The following CEP112 variants were observed in gnomAD, a reference collection of about 807,000 sequenced individuals.
CEP112 encodes centrosomal protein 112, also known as centrosomal protein of 112 kDa.
Under a neutral mutation model 153.0 loss-of-function variants are expected in CEP112, and 127 were observed. The ratio of observed to expected loss-of-function variants is 0.83; its 90% CI spans 0.72 to 0.96. The LOEUF is 0.96. Among genes scored for constraint, CEP112 ranks in the 40% least tolerant of loss-of-function variants. CEP112 has a pLI of 0.00. For synonymous variants in CEP112, 358 were observed against 374.4 expected (o/e 0.96, Z 0.51); for missense variants, 1,089 against 1,101.2 (o/e 0.99, Z 0.16).
intron 4 of CEP112, among the ~76,000 whole-genome samples, chr17:66,164,766 A>AATCACTTAAACCTTG (rs2071866165): frequency 6.7e-6 from 1 of 149,758 alleles, no homozygotes; most frequent in Non-Finnish European, 1.5e-5. Flanking sequence ...TGAGGCAGAG[A>AATCACTTAAACCTTG]ATTGCTTGAA....
chr17:65,908,298 T>C (rs1023832334), intron 19 of CEP112, among the ~76,000 whole-genome samples: 3 of 152,156 alleles, frequency 2.0e-5, no homozygotes, highest in Non-Finnish European at 2.9e-5. Flanking sequence ...TGGCATATGA[T>C]AGTCCTTTGA....
chr17:65,787,855 T>G (rs1445303013), intron 21 of CEP112, among the ~76,000 whole-genome samples: 1 of 152,238 alleles, frequency 6.6e-6, no homozygotes, highest in East Asian at 1.9e-4. Context: ...GACAATCATA[T>G]CATCAGTGAA....
intron 24 of CEP112, among the ~76,000 whole-genome samples, chr17:65,684,723 G>A (rs2047696498): frequency 2.6e-5 from 4 of 152,156 alleles, no homozygotes; most frequent in African/African-American, 9.7e-5. Context: ...ATTTTACGCA[G>A]TGTTTAACGC....
intron 19 of CEP112, among the ~76,000 whole-genome samples, chr17:65,912,345 C>T (rs1305052452): frequency 6.6e-6 from 1 of 152,152 alleles, no homozygotes; most frequent in Non-Finnish European, 1.5e-5. Context: ...TGGAACCCAA[C>T]TTTCCTGTTG....
At chr17:65,925,129 G>A (rs1025089029) in intron 19 of CEP112, among the ~76,000 whole-genome samples, 6 of 152,214 alleles carry the variant, frequency 3.9e-5, no homozygotes, top group African/African-American at 1.4e-4. Context: ...TTAAATCATG[G>A]GGGCAGCTTC....
chr17:65,635,958 T>C lies in CEP112; in HGVS notation c.*13A>G. 6.2e-7 allele frequency: 1 copy of C among 1,600,164 alleles called. No homozygotes were observed. Among genetic ancestry groups the C allele is most frequent in the Non-Finnish European group, 8.5e-7 (1 of 1,171,848 alleles). On this transcript the variant is annotated 3_prime_UTR_variant, in exon 27 of 27. Coordinates refer to ENST00000535342, the MANE Select transcript of CEP112 (RefSeq NM_001199165.4). ...CAGCCTGGAAATTGCATCCGTTGCA[T>C]TCTCTCGTGCAGTTACCTGTAAACC... is the stretch of plus-strand genomic sequence containing the variant.
chr17:65,994,420 T>A (rs1255477826), intron 17 of CEP112, among the ~76,000 whole-genome samples: 1 of 152,060 alleles, frequency 6.6e-6, no homozygotes. Flanking sequence ...CTCCAACTCC[T>A]GAGCTCAAGC....
At chr17:65,767,263 T>C (rs187561803) in intron 21 of CEP112, among the ~76,000 whole-genome samples, 5 of 152,092 alleles carry the variant, frequency 3.3e-5, no homozygotes, top group Non-Finnish European at 5.9e-5. Flanking sequence ...ATGTGGAAAT[T>C]AAACAACTGG....
chr17:65,902,014 CA>C (rs201190696), intron 20 of CEP112, 137 bp downstream of exon 20: 2,020 of 98,036 alleles, frequency 0.021, 38 homozygotes, highest in Middle Eastern at 0.042. Flanking sequence ...GGGAGAAAAA[CA>C]AAAAAAAAAT....
chr17:66,105,158 A>T (rs1411423755), intron 6 of CEP112, among the ~76,000 whole-genome samples: 1 of 152,232 alleles, frequency 6.6e-6, no homozygotes, highest in Non-Finnish European at 1.5e-5. Context: ...GCTGAAGTGT[A>T]GAGTTTTTAT....
chr17:66,188,810 T>C (rs1391486465), intron 1 of CEP112, among the ~76,000 whole-genome samples: 1 of 152,104 alleles, frequency 6.6e-6, no homozygotes, highest in Non-Finnish European at 1.5e-5. Context: ...GTGCTGGATG[T>C]GAGATCATAA....
chr17:66,162,582 T>C (rs1385726126), intron 4 of CEP112, among the ~76,000 whole-genome samples: 1 of 152,192 alleles, frequency 6.6e-6, no homozygotes, highest in African/African-American at 2.4e-5. Flanking sequence ...ATTCATACAA[T>C]AATTTTAAAA....
chr17:65,995,236 T>C (rs1397933370), intron 17 of CEP112, among the ~76,000 whole-genome samples: 1 of 152,042 alleles, frequency 6.6e-6, no homozygotes, highest in Admixed American at 6.5e-5. Context: ...GCTTTGATTG[T>C]TTTTGTTCTT....
intron 4 of CEP112, among the ~76,000 whole-genome samples, chr17:66,168,610 A>G (rs767666044): frequency 6.6e-6 from 1 of 152,032 alleles, no homozygotes; most frequent in Non-Finnish European, 1.5e-5. Flanking sequence ...CTCCACCAAC[A>G]AAGCAATTTC....
intron 23 of CEP112, among the ~76,000 whole-genome samples, chr17:65,709,542 C>T (rs990089642): frequency 1.3e-5 from 2 of 152,144 alleles, no homozygotes; most frequent in Non-Finnish European, 2.9e-5. Context: ...GGAACTGCCC[C>T]CATGATTCAA....
Position 66,132,674 on chromosome 17 carries a change from A to G in CEP112, c.560T>C (p.Ile187Thr). The G allele has an allele frequency of 6.2e-7, 1 of 1,608,390 alleles. No homozygotes were observed. The highest frequency in any genetic ancestry group is 8.5e-7 in the Non-Finnish European group (1 of 1,174,828). Residue 187 changes from isoleucine to threonine, a missense_variant, in exon 5 of 27, where the codon ATT (isoleucine) becomes ACT (threonine). Coordinates refer to ENST00000535342, the MANE Select transcript of CEP112 (RefSeq NM_001199165.4). ...REDGQNITPK[I>T]CEVYSKKSPV... ...AAAAGTAAAATCTAATCTTACACAA[A>G]TCTTTGGGGTAATATTTTGTCCATC...
intron 8 of CEP112, 81 bp downstream of exon 8, chr17:66,096,170 A>T: frequency 1.0e-6 from 1 of 973,986 alleles, no homozygotes; most frequent in Non-Finnish European, 1.5e-6. Context: ...CCATTATTTT[A>T]ACTAAAACCT....
At chr17:65,914,629 C>A (rs1213248393) in intron 19 of CEP112, among the ~76,000 whole-genome samples, 2 of 152,162 alleles carry the variant, frequency 1.3e-5, no homozygotes, top group African/African-American at 2.4e-5. Flanking sequence ...CATCTGTACA[C>A]TGGATTCCAT....
chr17:66,079,224 G>A (rs1019430849), intron 8 of CEP112, among the ~76,000 whole-genome samples: 6 of 152,174 alleles, frequency 3.9e-5, no homozygotes, highest in Non-Finnish European at 8.8e-5. Context: ...TGGATCACCT[G>A]AGGTCAGTAG....
Sources: allele counts gnomAD v4.1 joint callset (sites outside exome capture counted in the v4.1 genomes callset), GRCh38; gene constraint gnomAD v4.1.1; transcripts MANE v1.5; gene names NCBI Gene and HGNC (gene_info 2026-07-23, HGNC 2026-07-21).